Variants in ARB2A observed in about 807,000 individuals in gnomAD.
ARB2A encodes the protein ARB2 cotranscriptional regulator A.
the ARB2A span, among the ~76,000 whole-genome samples, chr5:93,855,826 A>G: frequency 6.6e-6 from 1 of 152,148 alleles, no homozygotes; most frequent in Non-Finnish European, 1.5e-5. Context: ...CATCACCATC[A>G]TCAAAGACCA....
chr5:94,013,100 A>T, the ARB2A span, among the ~76,000 whole-genome samples: 4 of 151,626 alleles, frequency 2.6e-5, no homozygotes, highest in African/African-American at 9.7e-5. Context: ...CAGAAAGTCT[A>T]GTTGGTCATA....
the ARB2A span, among the ~76,000 whole-genome samples, chr5:93,966,996 G>A: frequency 4.0e-5 from 6 of 151,192 alleles, no homozygotes; most frequent in Non-Finnish European, 7.4e-5. Flanking sequence ...TCTTTTGAGG[G>A]AGATACAAGT....
chr5:93,921,092 A>C, the ARB2A span, among the ~76,000 whole-genome samples: 2 of 150,148 alleles, frequency 1.3e-5, no homozygotes, highest in Non-Finnish European at 3.0e-5. Context: ...TATACCATAC[A>C]TTGAGGGCTG....
chr5:93,823,681 A>T, the ARB2A span, among the ~76,000 whole-genome samples: 1 of 152,250 alleles, frequency 6.6e-6, no homozygotes, highest in African/African-American at 2.4e-5. Flanking sequence ...CTTTCTGGTT[A>T]GCACTAAAAA....
At chr5:94,071,534 A>G in the ARB2A span, among the ~76,000 whole-genome samples, 1 of 152,144 alleles carries the variant, frequency 6.6e-6, no homozygotes, top group Non-Finnish European at 1.5e-5. Context: ...AAGAACTATC[A>G]AAACTCAATA....
chr5:93,755,553 T>G, the ARB2A span, among the ~76,000 whole-genome samples: 134 of 152,308 alleles, frequency 8.8e-4, 1 homozygote, highest in African/African-American at 3.1e-3. Flanking sequence ...GCCCAAATAC[T>G]GAGTGCCCCA....
At chr5:93,784,605 C>T in the ARB2A span, 3 of 728,452 alleles carry the variant, frequency 4.1e-6, no homozygotes, top group Non-Finnish European at 6.7e-6. Flanking sequence ...AATGAAAAAG[C>T]AATATGCATC....
chr5:93,723,160 G>C, the ARB2A span, among the ~76,000 whole-genome samples: 2 of 152,100 alleles, frequency 1.3e-5, 1 homozygote, highest in Non-Finnish European at 2.9e-5. Flanking sequence ...AATTATGAGA[G>C]AGCAACACCT....
the ARB2A span, among the ~76,000 whole-genome samples, chr5:93,965,509 T>C: frequency 4.6e-5 from 7 of 152,164 alleles, no homozygotes; most frequent in African/African-American, 1.7e-4. Context: ...GCTTTAAGCC[T>C]CTAAATTTAT....
At chr5:94,043,313 T>G in the ARB2A span, among the ~76,000 whole-genome samples, 1 of 152,178 alleles carries the variant, frequency 6.6e-6, no homozygotes, top group African/African-American at 2.4e-5. Flanking sequence ...TCAAGAAAAC[T>G]TTTCTTTTGA....
chr5:94,066,181 A>G, the ARB2A span, among the ~76,000 whole-genome samples: 1 of 152,098 alleles, frequency 6.6e-6, no homozygotes, highest in East Asian at 1.9e-4. Context: ...AAACCTACGC[A>G]AAACAGAAAA....
At chr5:94,042,104 G>A in the ARB2A span, among the ~76,000 whole-genome samples, 1 of 152,178 alleles carries the variant, frequency 6.6e-6, no homozygotes, top group African/African-American at 2.4e-5. Context: ...AGGTTTAAAG[G>A]ACTGTTTAAA....
the ARB2A span, among the ~76,000 whole-genome samples, chr5:93,937,657 C>A: frequency 6.6e-5 from 10 of 151,008 alleles, no homozygotes; most frequent in African/African-American, 2.4e-4. Flanking sequence ...ATGGGGTATA[C>A]ATATAATTGT....
the ARB2A span, among the ~76,000 whole-genome samples, chr5:93,721,645 G>A: frequency 6.6e-6 from 1 of 152,094 alleles, no homozygotes; most frequent in Non-Finnish European, 1.5e-5. Flanking sequence ...TCCCAACGTT[G>A]AGGAACTTAT....
chr5:93,708,928 A>G, the ARB2A span, among the ~76,000 whole-genome samples: 1 of 152,176 alleles, frequency 6.6e-6, no homozygotes, highest in Non-Finnish European at 1.5e-5. Context: ...AAGATTTATT[A>G]GTTCTGGGGA....
At chr5:94,085,543 TCAAG>T in the ARB2A span, among the ~76,000 whole-genome samples, 22 of 152,192 alleles carry the variant, frequency 1.4e-4, no homozygotes, top group African/African-American at 4.1e-4. Context: ...GAGGGCTTTC[TCAAG>T]AAAGATAGAT....
At chr5:93,718,549 T>A in the ARB2A span, among the ~76,000 whole-genome samples, 2 of 152,148 alleles carry the variant, frequency 1.3e-5, no homozygotes, top group Non-Finnish European at 2.9e-5. Flanking sequence ...CATAATGTAA[T>A]GTATGTTAAA....
At chr5:94,050,608 A>G in the ARB2A span, 768 of 746,816 alleles carry the variant, frequency 1.0e-3, 8 homozygotes, top group East Asian at 0.017. Context: ...AAAAAAAAAA[A>G]ACAAAAACCT....
At chr5:93,877,723 G>C in the ARB2A span, among the ~76,000 whole-genome samples, 1 of 152,164 alleles carries the variant, frequency 6.6e-6, no homozygotes, top group South Asian at 2.1e-4. Context: ...ATGAGTCTCA[G>C]TAAGGAGGGG....
Sources: allele counts gnomAD v4.1 joint callset (sites outside exome capture counted in the v4.1 genomes callset), GRCh38; gene constraint gnomAD v4.1.1; transcripts MANE v1.5; gene names NCBI Gene and HGNC (gene_info 2026-07-23, HGNC 2026-07-21).